The following SLC35F1 variants were observed in gnomAD, a reference collection of about 807,000 sequenced individuals.
SLC35F1 encodes the protein solute carrier family 35 member F1, also known as chromosome 6 open reading frame 169.
In SLC35F1, 14 loss-of-function variants were observed where a neutral mutation model predicts 48.7. That is an observed-to-expected ratio of 0.29 (90% confidence interval 0.19 to 0.45). The LOEUF (loss-of-function observed/expected upper bound fraction) is 0.45, where lower values mean the gene tolerates loss of function less well. SLC35F1 is among the 20% of genes least tolerant of loss of function. SLC35F1 has a pLI of 1.00. For missense variants in SLC35F1, 404 were observed against 500.0 expected, an observed-to-expected ratio of 0.81 and a Z score of 1.83; for synonymous variants, 190 against 202.2, an observed-to-expected ratio of 0.94 and a Z score of 0.51.
Position 118,112,042 on chromosome 6 carries a change from G to A in SLC35F1, c.174-42403G>A, listed in dbSNP as rs548968033. On this transcript the variant is annotated intron_variant, in intron 1 of 7. Transcript: ENST00000360388. ...GTGTCCAGATACCCCAATATCTTGAGAACAAAGGCCTTTCTTTCTTTCTTT... is the reference window on the plus strand; with the variant it reads ...GTGTCCAGATACCCCAATATCTTGAAAACAAAGGCCTTTCTTTCTTTCTTT... Among the ~76,000 whole-genome samples, 101 of 150,484 alleles carry A rather than the reference G, an allele frequency of 6.7e-4. 1 individual carries two copies. In the South Asian group the frequency reaches 0.019, roughly 29 times the overall value.
intron 3 of SLC35F1, among the ~76,000 whole-genome samples, chr6:118,242,884 CCT>C (rs1017067576): frequency 6.6e-6 from 1 of 152,182 alleles, no homozygotes; most frequent in African/African-American, 2.4e-5. Flanking sequence ...GGGGTCTGAG[CCT>C]CTGACATCAT....
intron 1 of SLC35F1, among the ~76,000 whole-genome samples, chr6:118,002,367 C>T (rs934153225): frequency 2.2e-4 from 34 of 151,918 alleles, no homozygotes; most frequent in African/African-American, 7.7e-4. Flanking sequence ...AACCAAACAC[C>T]GCATGTTCTC....
intron 1 of SLC35F1, among the ~76,000 whole-genome samples, chr6:118,058,000 G>A (rs1772486649): frequency 6.6e-6 from 1 of 152,144 alleles, no homozygotes; most frequent in African/African-American, 2.4e-5. Flanking sequence ...GAGGGGCTAG[G>A]AAAGCATCCA....
At chr6:117,977,410 C>T (rs747056037) in intron 1 of SLC35F1, among the ~76,000 whole-genome samples, 1 of 151,878 alleles carries the variant, frequency 6.6e-6, no homozygotes, top group Admixed American at 6.6e-5. Flanking sequence ...ATGCTCACTA[C>T]CTTAATTAGT....
intron 7 of SLC35F1, among the ~76,000 whole-genome samples, chr6:118,290,584 G>A (rs992080114): frequency 2.0e-5 from 3 of 151,106 alleles, no homozygotes; most frequent in African/African-American, 4.9e-5. Context: ...TTGCCTTAAA[G>A]AGTCTCTAAA....
chr6:117,952,563 T>C (rs56327344), intron 1 of SLC35F1, among the ~76,000 whole-genome samples: 11 of 152,300 alleles, frequency 7.2e-5, no homozygotes, highest in Non-Finnish European at 1.3e-4. Context: ...GTAAATCCAT[T>C]TGGCTGCCTT....
At chr6:118,092,324 G>A (rs1228513551) in intron 1 of SLC35F1, among the ~76,000 whole-genome samples, 1 of 152,198 alleles carries the variant, frequency 6.6e-6, no homozygotes, top group Non-Finnish European at 1.5e-5. Flanking sequence ...TGTTGAGCCT[G>A]TAGGAATAAA....
chr6:118,246,796 T>C (rs1323406146), intron 3 of SLC35F1, among the ~76,000 whole-genome samples: 2 of 152,176 alleles, frequency 1.3e-5, no homozygotes, highest in African/African-American at 2.4e-5. Flanking sequence ...GCAAAAATGA[T>C]GCAACCAACA....
chr6:117,998,831 C>G (rs1422126834), intron 1 of SLC35F1: 2 of 523,504 alleles, frequency 3.8e-6, no homozygotes, highest in East Asian at 3.7e-5. Flanking sequence ...CAGGAAAGAT[C>G]CAAAATTGAC....
intron 1 of SLC35F1, among the ~76,000 whole-genome samples, chr6:117,979,240 A>G (rs908379844): frequency 4.6e-5 from 7 of 152,198 alleles, no homozygotes; most frequent in Admixed American, 3.9e-4. Flanking sequence ...TCAGTTAATT[A>G]TAATTCCCAA....
chr6:117,978,615 A>G (rs942646605), intron 1 of SLC35F1, among the ~76,000 whole-genome samples: 1 of 152,120 alleles, frequency 6.6e-6, no homozygotes, highest in Admixed American at 6.5e-5. Flanking sequence ...TTCAGACCTA[A>G]GTCAGCTTTC....
At chr6:118,200,643 G>A (rs1003688538) in intron 2 of SLC35F1, among the ~76,000 whole-genome samples, 1 of 152,136 alleles carries the variant, frequency 6.6e-6, no homozygotes, top group Non-Finnish European at 1.5e-5. Context: ...AAGGGACCAG[G>A]AGGGCCTCAC....
intron 1 of SLC35F1, among the ~76,000 whole-genome samples, chr6:118,108,984 G>A (rs1773360914): frequency 6.6e-6 from 1 of 152,142 alleles, no homozygotes; most frequent in Non-Finnish European, 1.5e-5. Context: ...AATTATAACA[G>A]TTTCTAGTTG....
At chr6:117,924,124 T>C (rs1252334903) in intron 1 of SLC35F1, among the ~76,000 whole-genome samples, 2 of 135,310 alleles carry the variant, frequency 1.5e-5, no homozygotes, top group Admixed American at 7.4e-5. Flanking sequence ...TATACACACA[T>C]AGGTACACAT....
chr6:118,172,492 T>C (rs562208092), intron 2 of SLC35F1, among the ~76,000 whole-genome samples: 46 of 152,256 alleles, frequency 3.0e-4, no homozygotes, highest in African/African-American at 1.1e-3. Context: ...GAATGTTATA[T>C]AGAAGTAGGT....
chr6:117,958,937 C>T (rs1034435259), intron 1 of SLC35F1, among the ~76,000 whole-genome samples: 3 of 152,164 alleles, frequency 2.0e-5, no homozygotes, highest in African/African-American at 7.2e-5. Flanking sequence ...TTGAGAATAT[C>T]TAATCCCTAA....
intron 1 of SLC35F1, among the ~76,000 whole-genome samples, chr6:118,122,421 C>A (rs145996632): frequency 0.014 from 2,201 of 152,294 alleles, 30 homozygotes; most frequent in Non-Finnish European, 0.023. Flanking sequence ...GCTCATTAAA[C>A]AAGCTTTTGC....
Position 118,108,734 on chromosome 6 carries a change from A to G in SLC35F1, c.174-45711A>G, listed in dbSNP as rs576753048. ...AGCTCAGTTATGCTGTGCTCTCCCC[A>G]GGTTGAAAACTTTCAATCAAATACT... On this transcript the variant is annotated intron_variant, in intron 1 of 7. Coordinates refer to ENST00000360388, the MANE Select transcript of SLC35F1 (RefSeq NM_001029858.4). Among the ~76,000 whole-genome samples the G allele has an allele frequency of 2.0e-5, 3 of 152,270 alleles. No homozygotes were observed. In the South Asian group the frequency reaches 6.2e-4, roughly 32 times the overall value.
rs562221597 is a variant in SLC35F1, at chr6:117,971,759, C to T, written c.173+63860C>T. 2.6e-5 allele frequency among the ~76,000 whole-genome samples: 4 copies of T among 152,362 alleles called. No individual in the cohort carries two copies. The South Asian group carries it at 8.3e-4, about 32-fold the overall frequency. ...TGACCTGTACATTGGCCCCTTTTAG[C>T]CCTGGCTAGAGCTATAGCAGCTGGG... is the stretch of plus-strand genomic sequence containing the variant. On this transcript the variant is annotated intron_variant, in intron 1 of 7. Transcript: ENST00000360388.
Sources: allele counts gnomAD v4.1 joint callset (sites outside exome capture counted in the v4.1 genomes callset), GRCh38; gene constraint gnomAD v4.1.1; transcripts MANE v1.5; gene names NCBI Gene and HGNC (gene_info 2026-07-23, HGNC 2026-07-21).